Variants in VGLL4 observed in about 807,000 individuals in gnomAD.
VGLL4 encodes vestigial like family member 4, also known as transcription cofactor vestigial-like protein 4.
VGLL4 carries 7 observed loss-of-function variants against 21.0 expected under a neutral mutation model. The ratio of observed to expected loss-of-function variants is 0.33; its 90% confidence interval spans 0.19 to 0.63. VGLL4 has a LOEUF of 0.63. Ranked by LOEUF, VGLL4 falls within the 20% of genes least tolerant of loss-of-function variation. VGLL4 has a pLI of 0.78. For missense variants in VGLL4, 394 were observed against 425.7 expected, an observed-to-expected ratio of 0.93 and a Z score of 0.66; for synonymous variants, 222 against 173.2, an observed-to-expected ratio of 1.28 and a Z score of -2.21.
rs887845057 is a variant in VGLL4, at chr3:11,559,309, G to A, written c.619+23C>T. On this transcript the variant is annotated intron_variant, in intron 4 of 4. Transcript: ENST00000430365. ...GCTGCCACTAGCACAGCTGTGACAG[G>A]TGAGGAGGCCCGGGACACTCACCGC... 5.3e-6 allele frequency: 8 copies of A among 1,518,970 alleles called. No individual in the cohort carries two copies. The Admixed American group carries it at 6.4e-5, about 12-fold the overall frequency. 94.1% of individuals were successfully genotyped at this position (1,518,970 alleles called of 1,614,324 possible).
intron 2 of VGLL4, among the ~76,000 whole-genome samples, chr3:11,667,730 G>GT (rs1244322675): frequency 6.7e-6 from 1 of 149,928 alleles, no homozygotes; most frequent in Non-Finnish European, 1.5e-5. Context: ...AACTCCCCCA[G>GT]TATCATTATC....
chr3:11,696,667 A>C (rs1575540102), intron 2 of VGLL4, among the ~76,000 whole-genome samples: 1 of 152,232 alleles, frequency 6.6e-6, no homozygotes, highest in African/African-American at 2.4e-5. Context: ...ATTTAAATAG[A>C]GTGCAAAGAC....
chr3:11,691,154 GGTT>G (rs750796515), intron 2 of VGLL4, among the ~76,000 whole-genome samples: 9 of 151,206 alleles, frequency 6.0e-5, no homozygotes, highest in South Asian at 4.2e-4. Context: ...AGCTGAAACA[GGTT>G]GTTGTTGTTG....
intron 2 of VGLL4, among the ~76,000 whole-genome samples, chr3:11,652,018 CTG>C (rs764738902): frequency 2.6e-4 from 39 of 152,142 alleles, no homozygotes; most frequent in Admixed American, 7.2e-4. Flanking sequence ...TAAGTAGCGA[CTG>C]ATCATTCTCT....
At chr3:11,647,526 A>T (rs559199062), upstream of VGLL4, among the ~76,000 whole-genome samples, 1 of 152,316 alleles carries the variant, frequency 6.6e-6, no homozygotes, top group South Asian at 2.1e-4. Flanking sequence ...TATACTTACC[A>T]GTTGAGCATC....
At chr3:11,690,383 G>GTGTTCA (rs751192157) in intron 2 of VGLL4, among the ~76,000 whole-genome samples, 19 of 152,300 alleles carry the variant, frequency 1.2e-4, no homozygotes, top group Non-Finnish European at 2.4e-4. Flanking sequence ...CTGGATGCAT[G>GTGTTCA]TGTTCAGTCT....
intron 2 of VGLL4, among the ~76,000 whole-genome samples, chr3:11,588,245 C>T (rs1386219609): frequency 3.3e-5 from 5 of 152,194 alleles, no homozygotes; most frequent in African/African-American, 4.8e-5. Flanking sequence ...GCAAATTCAG[C>T]CCCTGGTCTG....
In VGLL4 at chr3:11,604,247, C is replaced by T. The variant is rs761504419; in HGVS notation, c.83-2225G>A. The stretch of plus-strand genomic sequence containing the variant: ...CTTCAGCATCTCAGCTTGCCGGCGC[C>T]GGAAGGAGCCCAGGAAGCACGGTTT... On this transcript the variant is annotated intron_variant, in intron 1 of 4. Coordinates refer to ENST00000430365, the MANE Select transcript of VGLL4 (RefSeq NM_001128219.3). 3.5e-5 allele frequency: 16 copies of T among 458,130 alleles called. 1 individual carries two copies. The highest frequency in any genetic ancestry group is 4.4e-5 in the Non-Finnish European group (16 of 362,526). The allele number at this position is 458,130 out of a possible 1,614,324, so 28.4% of individuals were successfully genotyped here. A position where few individuals can be genotyped will look rare whatever the true frequency, so the allele number is the denominator to read the frequency against.
intron 1 of VGLL4, among the ~76,000 whole-genome samples, chr3:11,605,502 C>T (rs978366576): frequency 5.9e-5 from 9 of 151,916 alleles, no homozygotes; most frequent in African/African-American, 2.2e-4. Context: ...AGACTCATCA[C>T]CATTCCACAG....
chr3:11,713,215 C>T (rs1015991155), intron 1 of VGLL4, among the ~76,000 whole-genome samples: 4 of 152,138 alleles, frequency 2.6e-5, no homozygotes, highest in East Asian at 1.9e-4. Context: ...CCTTGGTGCT[C>T]GAACTGCTCA....
chr3:11,603,156 A>G (rs1388372333), intron 1 of VGLL4, among the ~76,000 whole-genome samples: 2 of 152,248 alleles, frequency 1.3e-5, no homozygotes, highest in Non-Finnish European at 2.9e-5. Context: ...CTTCATACAC[A>G]TATGACAAAT....
chr3:11,675,097 T>C (rs1400583265), intron 2 of VGLL4, among the ~76,000 whole-genome samples: 2 of 152,074 alleles, frequency 1.3e-5, no homozygotes, highest in Non-Finnish European at 2.9e-5. Flanking sequence ...ATCCCAACAC[T>C]CTGGGAGGCC....
At chr3:11,579,987 G>A (rs11128555) in intron 2 of VGLL4, among the ~76,000 whole-genome samples, 2 of 151,962 alleles carry the variant, frequency 1.3e-5, no homozygotes, top group African/African-American at 4.8e-5. Flanking sequence ...TGTTTATTCA[G>A]TTGACCTGAA....
At chr3:11,708,892 T>C (rs947568973) in intron 1 of VGLL4, among the ~76,000 whole-genome samples, 1 of 151,532 alleles carries the variant, frequency 6.6e-6, no homozygotes, top group African/African-American at 2.4e-5. Flanking sequence ...TGAAACTCAG[T>C]CTCTACTAAA....
At chr3:11,667,842 CTTTTTTTTTTTTTTTT>C (rs746416276) in intron 2 of VGLL4, among the ~76,000 whole-genome samples, 2,247 of 69,602 alleles carry the variant, frequency 0.032, 111 homozygotes, top group African/African-American at 0.13. Flanking sequence ...CTATCTTCTT[CTTTTTTTTTTTTTTTT>C]TTTTTTTTTT....
chr3:11,691,148 G>T (rs1479726580), intron 2 of VGLL4, among the ~76,000 whole-genome samples: 2 of 151,420 alleles, frequency 1.3e-5, no homozygotes, highest in Non-Finnish European at 2.9e-5. Flanking sequence ...GAGAGTAGCT[G>T]AAACAGGTTG....
At chr3:11,597,401 T>C (rs1312135645) in intron 2 of VGLL4, among the ~76,000 whole-genome samples, 3 of 152,168 alleles carry the variant, frequency 2.0e-5, no homozygotes, top group African/African-American at 7.2e-5. Context: ...AATAATGTAT[T>C]TCTCAGGGTC....
chr3:11,580,838 G>A (rs17608993), intron 2 of VGLL4, among the ~76,000 whole-genome samples: 23,223 of 152,196 alleles, frequency 0.15, 2,064 homozygotes, highest in South Asian at 0.31. Flanking sequence ...GGGCCCACTG[G>A]AGTCAATGAT....
chr3:11,602,094 C>T, intron 1 of VGLL4, 72 bp from the exon 2 acceptor site: 1 of 1,379,024 alleles, frequency 7.3e-7, no homozygotes, highest in Non-Finnish European at 9.5e-7. Context: ...GGCTCCCCGC[C>T]CGCCCAGCCA....
Sources: allele counts gnomAD v4.1 joint callset (sites outside exome capture counted in the v4.1 genomes callset), GRCh38; gene constraint gnomAD v4.1.1; transcripts MANE v1.5; gene names NCBI Gene and HGNC (gene_info 2026-07-23, HGNC 2026-07-21).